Variants in CPQ observed in about 807,000 individuals in gnomAD.
The protein encoded by CPQ is carboxypeptidase Q.
CPQ carries 37 observed loss-of-function variants against 45.7 expected under a neutral mutation model. That is an observed-to-expected ratio of 0.81 (90% CI 0.62 to 1.07). The LOEUF (loss-of-function observed/expected upper bound fraction) is 1.07, where lower values mean the gene tolerates loss of function less well. Among genes scored for constraint, CPQ ranks in the 50% least tolerant of loss-of-function variants. CPQ has a pLI of 0.00. For missense variants in CPQ, 537 were observed against 572.9 expected, an observed-to-expected ratio of 0.94 and a Z score of 0.64; for synonymous variants, 186 against 205.8, an observed-to-expected ratio of 0.90 and a Z score of 0.82.
chr8:96,651,167 G>GT (rs1326228359), intron 1 of CPQ, among the ~76,000 whole-genome samples: 2 of 152,286 alleles, frequency 1.3e-5, no homozygotes, highest in East Asian at 3.9e-4. Context: ...TACCTTTACT[G>GT]TTTACCAAGC....
In CPQ at chr8:96,645,318, G is replaced by T. The variant is rs1046645374; in HGVS notation, c.-119G>T. On this transcript the variant is annotated 5_prime_UTR_variant, in exon 1 of 8. Coordinates refer to ENST00000220763, the MANE Select transcript of CPQ (RefSeq NM_016134.4). ...GCGGAGGGCCCCAGCCCAGTCAGGG[G>T]TGTGGCCGCCGCCACCGTAAGGCTA... 6.6e-6 allele frequency: 1 copy of T among 152,518 alleles called. No individual in the cohort carries two copies. Among genetic ancestry groups the T allele is most frequent in the East Asian group, 1.9e-4 (1 of 5,160 alleles). The allele number at this position is 152,518 out of a possible 1,614,324, so 9.4% of individuals were successfully genotyped here. A position where few individuals can be genotyped will look rare whatever the true frequency, so the allele number is the denominator to read the frequency against.
chr8:97,026,466 G>T (rs1809800231), intron 5 of CPQ, among the ~76,000 whole-genome samples: 1 of 152,210 alleles, frequency 6.6e-6, no homozygotes, highest in Non-Finnish European at 1.5e-5. Context: ...GATTTAGGTA[G>T]CCTGGGGACC....
chr8:96,805,366 T>G (rs1313360953), intron 2 of CPQ, among the ~76,000 whole-genome samples: 1 of 152,184 alleles, frequency 6.6e-6, no homozygotes, highest in Non-Finnish European at 1.5e-5. Flanking sequence ...AGTGTGATTG[T>G]TCAGGACTTG....
intron 1 of CPQ, among the ~76,000 whole-genome samples, chr8:96,724,258 T>G (rs1809804819): frequency 6.6e-6 from 1 of 152,124 alleles, no homozygotes; most frequent in African/African-American, 2.4e-5. Context: ...TCATCCATAT[T>G]GTTGCATATT....
chr8:96,677,695 T>A (rs1217898359), intron 1 of CPQ, among the ~76,000 whole-genome samples: 1 of 149,568 alleles, frequency 6.7e-6, no homozygotes, highest in African/African-American at 2.6e-5. Flanking sequence ...TTTATTTATT[T>A]TTGTTTTTGT....
chr8:96,725,599 C>G lies in CPQ; in HGVS notation c.-34-59265C>G, dbSNP rs558714758. The stretch of plus-strand genomic sequence containing the variant: ...CAAAAAATAACAGATGCTGGTGAGG[C>G]TGAGGAGAAAAGGGAATGCTTATAT... On this transcript the variant is annotated intron_variant, in intron 1 of 7. Coordinates refer to ENST00000220763, the MANE Select transcript of CPQ (RefSeq NM_016134.4). Among the ~76,000 whole-genome samples the G allele has an allele frequency of 1.7e-4, 26 of 152,110 alleles. No homozygotes were observed. In the South Asian group the frequency reaches 5.0e-3, roughly 29 times the overall value.
At chr8:97,035,699 TG>T (rs1809990358) in intron 6 of CPQ, among the ~76,000 whole-genome samples, 1 of 11,690 alleles carries the variant, frequency 8.6e-5, no homozygotes, top group Non-Finnish European at 1.9e-4. Context: ...TTTGTTTGTT[TG>T]TATTGTTTTG....
At chr8:97,119,386 G>GTC (rs1476606782) in intron 7 of CPQ, among the ~76,000 whole-genome samples, 5 of 146,616 alleles carry the variant, frequency 3.4e-5, no homozygotes, top group African/African-American at 1.3e-4. Context: ...TAGGTTCTGT[G>GTC]TCACTATGTG....
chr8:96,808,051 C>T (rs530527555), intron 2 of CPQ, among the ~76,000 whole-genome samples: 1 of 152,180 alleles, frequency 6.6e-6, no homozygotes, highest in South Asian at 2.1e-4. Context: ...TCACAAGTCC[C>T]TCTACTGAGA....
chr8:96,910,672 T>G (rs1450614055), intron 4 of CPQ, among the ~76,000 whole-genome samples: 1 of 152,084 alleles, frequency 6.6e-6, no homozygotes, highest in Non-Finnish European at 1.5e-5. Context: ...GCCTGGCTAA[T>G]TTTTTGTATA....
chr8:97,095,484 G>A (rs1232942795), intron 7 of CPQ, among the ~76,000 whole-genome samples: 1 of 152,002 alleles, frequency 6.6e-6, no homozygotes, highest in African/African-American at 2.4e-5. Context: ...CCTCATTACT[G>A]CATTGCTCCC....
chr8:96,742,956 G>A (rs1240167510), intron 1 of CPQ, among the ~76,000 whole-genome samples: 1 of 151,970 alleles, frequency 6.6e-6, no homozygotes, highest in East Asian at 1.9e-4. Context: ...TATGTGTCTT[G>A]GTGTTGCTCT....
intron 4 of CPQ, among the ~76,000 whole-genome samples, chr8:96,914,141 G>A (rs1812702396): frequency 1.3e-5 from 2 of 152,142 alleles, no homozygotes; most frequent in Admixed American, 6.5e-5. Flanking sequence ...CTTTCAATAT[G>A]TCATCAGACA....
chr8:96,756,270 A>C (rs1250794673), intron 1 of CPQ, among the ~76,000 whole-genome samples: 1 of 151,898 alleles, frequency 6.6e-6, no homozygotes. Context: ...AACTTTAAAC[A>C]TTTTTTGGAC....
At chr8:96,777,329 T>C (rs769767716) in intron 1 of CPQ, among the ~76,000 whole-genome samples, 1 of 151,850 alleles carries the variant, frequency 6.6e-6, no homozygotes, top group African/African-American at 2.4e-5. Flanking sequence ...TTTGTGAAGC[T>C]CCAACATTTA....
Position 96,948,747 on chromosome 8 carries a change from T to C in CPQ, c.850-17188T>C, listed in dbSNP as rs78520511. Among the ~76,000 whole-genome samples, 783 of 152,238 alleles carry C rather than the reference T, an allele frequency of 5.1e-3. 7 individuals are homozygous for C. Among genetic ancestry groups the C allele is most frequent in the African/African-American group, 0.018 (738 of 41,554 alleles). Reference sequence around the variant, plus strand: ...CATTATTGAAAGTGTGGTATCGAAGTTTCCTACTATTACTGTATTGCTATC... The same window carrying C: ...CATTATTGAAAGTGTGGTATCGAAGCTTCCTACTATTACTGTATTGCTATC... On this transcript the variant is annotated intron_variant, in intron 4 of 7. Transcript: ENST00000220763.
At chr8:97,111,984 C>T (rs1427384201) in intron 7 of CPQ, among the ~76,000 whole-genome samples, 1 of 152,086 alleles carries the variant, frequency 6.6e-6, no homozygotes, top group African/African-American at 2.4e-5. Flanking sequence ...AATCCTTCAT[C>T]TTTAACCCTG....
chr8:96,965,604 C>T (rs1266591420), intron 4 of CPQ, among the ~76,000 whole-genome samples: 2 of 151,974 alleles, frequency 1.3e-5, no homozygotes, highest in African/African-American at 2.4e-5. Context: ...CTCCTGACCT[C>T]GTGATCCACC....
intron 5 of CPQ, among the ~76,000 whole-genome samples, chr8:97,001,070 G>A (rs1030950946): frequency 1.3e-5 from 2 of 151,974 alleles, no homozygotes; most frequent in Non-Finnish European, 2.9e-5. Context: ...GAAGGTTAGC[G>A]ATTTTTACAC....
Sources: allele counts gnomAD v4.1 joint callset (sites outside exome capture counted in the v4.1 genomes callset), GRCh38; gene constraint gnomAD v4.1.1; transcripts MANE v1.5; gene names NCBI Gene and HGNC (gene_info 2026-07-23, HGNC 2026-07-21).